Variants in WDR49 observed in about 807,000 individuals in gnomAD.
WDR49 encodes the protein cilia- and flagella-associated protein 337.
WDR49 carries 107 observed loss-of-function variants against 119.5 expected under a neutral mutation model. The ratio of observed to expected loss-of-function variants is 0.90; its 90% CI spans 0.77 to 1.05. The LOEUF (loss-of-function observed/expected upper bound fraction) is 1.05. Among genes scored for constraint, WDR49 ranks in the 50% least tolerant of loss-of-function variants. The pLI is 0.00. For missense variants in WDR49, 1,240 were observed against 1,220.5 expected, an observed-to-expected ratio of 1.02 and a Z score of -0.24; for synonymous variants, 425 against 418.8, an observed-to-expected ratio of 1.01 and a Z score of -0.18.
At chr3:167,637,504 G>A (rs1288958047) in intron 2 of WDR49, among the ~76,000 whole-genome samples, 1 of 151,462 alleles carries the variant, frequency 6.6e-6, no homozygotes, top group East Asian at 1.9e-4. Flanking sequence ...ATTAATTTTA[G>A]GATTGTTTTT....
intron 10 of WDR49, among the ~76,000 whole-genome samples, chr3:167,542,489 C>A (rs1384953010): frequency 6.6e-6 from 1 of 152,078 alleles, no homozygotes; most frequent in Admixed American, 6.6e-5. Context: ...AAGGAACCCT[C>A]AAAACTATAC....
At chr3:167,557,584 C>T (rs1460779837) in intron 9 of WDR49, among the ~76,000 whole-genome samples, 4 of 151,788 alleles carry the variant, frequency 2.6e-5, no homozygotes, top group African/African-American at 4.8e-5. Context: ...TTCAGTTTCC[C>T]CTACTAAAAA....
chr3:167,561,118 A>C (rs1713245601), intron 8 of WDR49, among the ~76,000 whole-genome samples: 1 of 152,228 alleles, frequency 6.6e-6, no homozygotes, highest in Admixed American at 6.5e-5. Context: ...CCATTGTATA[A>C]ATGTAAATGT....
At chr3:167,589,266 T>C (rs1714984508) in intron 7 of WDR49, among the ~76,000 whole-genome samples, 1 of 152,174 alleles carries the variant, frequency 6.6e-6, no homozygotes, top group African/African-American at 2.4e-5. Context: ...GATTTATTTC[T>C]GGATTCTCCA....
intron 7 of WDR49, among the ~76,000 whole-genome samples, chr3:167,580,253 T>A (rs1714465492): frequency 2.0e-5 from 3 of 152,172 alleles, no homozygotes; most frequent in Admixed American, 2.0e-4. Flanking sequence ...TAAGTCCACC[T>A]TCCATCTTTA....
chr3:167,504,841 A>T (rs6785159), intron 17 of WDR49, among the ~76,000 whole-genome samples: 1 of 151,836 alleles, frequency 6.6e-6, no homozygotes, highest in Non-Finnish European at 1.5e-5. Flanking sequence ...TGCTCTCCTC[A>T]TGGTAGCAAG....
At chr3:167,619,766 A>G (rs1252978699) in intron 5 of WDR49, among the ~76,000 whole-genome samples, 1 of 152,204 alleles carries the variant, frequency 6.6e-6, no homozygotes, top group African/African-American at 2.4e-5. Flanking sequence ...CAGTATCTAA[A>G]CAAAGAAATA....
At chr3:167,605,586 A>G (rs969017971) in intron 5 of WDR49, among the ~76,000 whole-genome samples, 5 of 152,208 alleles carry the variant, frequency 3.3e-5, no homozygotes, top group African/African-American at 9.6e-5. Context: ...AGTACATCAT[A>G]AAGTGATAAA....
chr3:167,633,881 G>T (rs1487074020), intron 2 of WDR49, among the ~76,000 whole-genome samples: 1 of 151,854 alleles, frequency 6.6e-6, no homozygotes, highest in Non-Finnish European at 1.5e-5. Context: ...TTTACATTAG[G>T]CAACTCTATT....
Position 167,590,217 on chromosome 3 carries a change from T to C in WDR49, c.1275+11910A>G, listed in dbSNP as rs187642493. Among the ~76,000 whole-genome samples the C allele has an allele frequency of 2.3e-3, 355 of 152,310 alleles. 1 individual carries two copies. The highest frequency in any genetic ancestry group is 7.9e-3 in the African/African-American group (329 of 41,592). On this transcript the variant is annotated intron_variant, in intron 7 of 18. Coordinates refer to ENST00000682715, the MANE Select transcript of WDR49 (RefSeq NM_001366157.1). ...CATGTATCAAATTGATTGATTTGCATATGTGGAACCATTCTTGCAACCTTG... is the reference window on the plus strand; with the variant it reads ...CATGTATCAAATTGATTGATTTGCACATGTGGAACCATTCTTGCAACCTTG...
chr3:167,548,342 T>C (rs1034958901), intron 10 of WDR49, among the ~76,000 whole-genome samples: 10 of 152,022 alleles, frequency 6.6e-5, no homozygotes, highest in African/African-American at 2.4e-4. Context: ...AATTAGATAA[T>C]GGCACATAGA....
intron 7 of WDR49, among the ~76,000 whole-genome samples, chr3:167,587,634 C>T (rs780583994): frequency 4.6e-5 from 7 of 151,926 alleles, no homozygotes; most frequent in East Asian, 1.9e-4. Context: ...TACAGGTGTG[C>T]GCCACCATGC....
chr3:167,507,862 A>C (rs1317610542), intron 16 of WDR49, among the ~76,000 whole-genome samples: 8 of 152,360 alleles, frequency 5.3e-5, no homozygotes, highest in Admixed American at 1.3e-4. Flanking sequence ...TGACATTTGC[A>C]GGAGTGGTTA....
chr3:167,656,755 C>T (rs901413860), upstream of WDR49, among the ~76,000 whole-genome samples: 11 of 152,158 alleles, frequency 7.2e-5, 1 homozygote, highest in African/African-American at 1.4e-4. Flanking sequence ...TAAATTCCTG[C>T]GGCACTGTAA....
chr3:167,571,491 T>C (rs546989364), intron 8 of WDR49, among the ~76,000 whole-genome samples: 19 of 152,280 alleles, frequency 1.2e-4, no homozygotes, highest in African/African-American at 3.1e-4. Flanking sequence ...TAAATATAAA[T>C]GTATTTATCT....
At chr3:167,561,598 G>T (rs2108271361) in intron 8 of WDR49, among the ~76,000 whole-genome samples, 1 of 152,270 alleles carries the variant, frequency 6.6e-6, no homozygotes, top group Admixed American at 6.5e-5. Flanking sequence ...CTGGAGTGGG[G>T]GATTGGGTTA....
rs190595606 is a variant in WDR49, at chr3:167,514,981, G to A, written c.2774+7334C>T. Among the ~76,000 whole-genome samples the A allele has an allele frequency of 1.4e-3, 206 of 152,142 alleles. 4 individuals are homozygous for A. In the East Asian group the frequency reaches 0.031, roughly 23 times the overall value. ...GCCAGTAATGAGTTTTGAAATTGAGGTAGTAATAAATAGCCTACAAACCAA... is the reference window on the plus strand; with the variant it reads ...GCCAGTAATGAGTTTTGAAATTGAGATAGTAATAAATAGCCTACAAACCAA... On this transcript the variant is annotated intron_variant, in intron 16 of 18. Coordinates refer to ENST00000682715, the MANE Select transcript of WDR49 (RefSeq NM_001366157.1).
intron 11 of WDR49, among the ~76,000 whole-genome samples, chr3:167,534,206 A>T (rs1752944945): frequency 6.6e-6 from 1 of 152,112 alleles, no homozygotes; most frequent in Non-Finnish European, 1.5e-5. Flanking sequence ...TCCAAAAAAA[A>T]AGAAAAAGAA....
chr3:167,533,614 T>C (rs1429477008), intron 11 of WDR49, among the ~76,000 whole-genome samples: 1 of 152,106 alleles, frequency 6.6e-6, no homozygotes, highest in Non-Finnish European at 1.5e-5. Context: ...ATTGTCTTTA[T>C]TGAATATTGT....
Sources: gnomAD v4.1 joint callset for allele counts (sites outside exome capture counted in the v4.1 genomes callset) on GRCh38, gnomAD v4.1.1 for gene constraint, MANE v1.5 for transcripts, NCBI Gene and HGNC (gene_info 2026-07-23, HGNC 2026-07-21) for gene names.